The following ENTPD1 variants were observed in gnomAD, a reference collection of about 807,000 sequenced individuals.
ENTPD1 encodes the protein ectonucleoside triphosphate diphosphohydrolase 1.
In ENTPD1, 33 loss-of-function variants were observed where a neutral mutation model predicts 57.0. The observed-to-expected ratio is 0.58, with a 90% CI of 0.44 to 0.77. ENTPD1 has a LOEUF of 0.77. Ranked by LOEUF, ENTPD1 falls within the 30% of genes least tolerant of loss-of-function variation. The pLI is 0.00. For synonymous variants in ENTPD1, 202 were observed against 218.8 expected, an observed-to-expected ratio of 0.92 and a Z score of 0.68; for missense variants, 501 against 603.4, an observed-to-expected ratio of 0.83 and a Z score of 1.78.
At chr10:95,822,056 G>A (rs1326411285) in intron 1 of ENTPD1, among the ~76,000 whole-genome samples, 1 of 130,752 alleles carries the variant, frequency 7.6e-6, no homozygotes, top group Non-Finnish European at 1.5e-5. Context: ...CTAGAGCACA[G>A]TGGTGCAATC....
intron 1 of ENTPD1, among the ~76,000 whole-genome samples, chr10:95,793,231 T>C (rs1003633581): frequency 4.6e-5 from 7 of 152,216 alleles, no homozygotes; most frequent in Non-Finnish European, 1.0e-4. Context: ...AGCAGGCTGA[T>C]AGTAACTGAG....
At chr10:95,836,624 G>C (rs1334587213) in intron 2 of ENTPD1, among the ~76,000 whole-genome samples, 1 of 152,172 alleles carries the variant, frequency 6.6e-6, no homozygotes, top group East Asian at 1.9e-4. Context: ...ATAAGCTACA[G>C]AGAAATGTTG....
At position 95,860,519 on chromosome 10, in the gene ENTPD1, G is replaced by T. The variant is rs775523991; in HGVS notation, c.1125G>T (p.Glu375Asp). 1 of 1,614,026 alleles carries T rather than the reference G, an allele frequency of 6.2e-7. No individual in the cohort carries two copies. Among genetic ancestry groups the T allele is most frequent in the South Asian group, 1.1e-5 (1 of 91,072 alleles). Residue 375 changes from glutamate to aspartate, a missense_variant, in exon 8 of 10, where the codon GAG (glutamate) becomes GAT (aspartate). By Grantham distance (45) the Glu-to-Asp change is conservative (BLOSUM62 2). Transcript: ENST00000371205. Reference sequence around the variant, plus strand: ...TGAAGTTTTTAAACTTGACATCAGAGAAAGTCTCTCAGGAAAAGGTGACTG... The same window carrying T: ...TGAAGTTTTTAAACTTGACATCAGATAAAGTCTCTCAGGAAAAGGTGACTG... ...FVMKFLNLTS[E>D]KVSQEKVTEM...
Position 95,866,390 on chromosome 10 carries a change from C to T in ENTPD1, c.*7C>T, listed in dbSNP as rs754891950. 2 of 1,614,074 alleles carry T rather than the reference C, an allele frequency of 1.2e-6. No homozygotes were observed. The highest frequency in any genetic ancestry group is 3.3e-5 in the Admixed American group (2 of 60,000). ...CTGGAAAGATATGGTATAGCAAAAG[C>T]AGCTGAAATATGCTGGCTGGAGTGA... On this transcript the variant is annotated 3_prime_UTR_variant, in exon 10 of 10. Transcript: ENST00000371205.
chr10:95,857,596 C>T (rs139497041), intron 7 of ENTPD1, among the ~76,000 whole-genome samples: 3 of 152,292 alleles, frequency 2.0e-5, no homozygotes, highest in Non-Finnish European at 2.9e-5. Flanking sequence ...ACAGGAAGAA[C>T]TTTTCCAGGC....
At chr10:95,783,956 G>A (rs1359678194) in intron 1 of ENTPD1, among the ~76,000 whole-genome samples, 1 of 152,140 alleles carries the variant, frequency 6.6e-6, no homozygotes, top group Non-Finnish European at 1.5e-5. Context: ...CTGGGAAGAG[G>A]TGGGGGTGAA....
chr10:95,716,105 A>G (rs975171656), intron 1 of ENTPD1, among the ~76,000 whole-genome samples: 6 of 152,166 alleles, frequency 3.9e-5, no homozygotes, highest in Admixed American at 2.6e-4. Context: ...GTCTCTAGCA[A>G]TCCTCCTGCC....
At chr10:95,805,900 C>G (rs1475866258) in intron 1 of ENTPD1, among the ~76,000 whole-genome samples, 1 of 152,216 alleles carries the variant, frequency 6.6e-6, no homozygotes, top group Non-Finnish European at 1.5e-5. Flanking sequence ...GTAACCCGAA[C>G]TTTCTCTCTG....
intron 7 of ENTPD1, among the ~76,000 whole-genome samples, chr10:95,858,869 T>C (rs945135707): frequency 2.0e-5 from 3 of 152,180 alleles, no homozygotes; most frequent in African/African-American, 7.2e-5. Flanking sequence ...ATGTGGCCAT[T>C]AGAGTGGCCC....
intron 1 of ENTPD1, among the ~76,000 whole-genome samples, chr10:95,809,709 C>G (rs865913872): frequency 6.9e-6 from 1 of 145,846 alleles, no homozygotes; most frequent in South Asian, 2.2e-4. Context: ...CCCCACCCCC[C>G]AGACGGGGTG....
chr10:95,818,062 T>G (rs2140503153), intron 1 of ENTPD1, among the ~76,000 whole-genome samples: 1 of 152,304 alleles, frequency 6.6e-6, no homozygotes, highest in East Asian at 1.9e-4. Context: ...CTGACATAAC[T>G]GAGCTTTGTA....
intron 2 of ENTPD1, among the ~76,000 whole-genome samples, chr10:95,835,949 A>G (rs1057266538): frequency 6.6e-6 from 1 of 152,072 alleles, no homozygotes; most frequent in Non-Finnish European, 1.5e-5. Context: ...TGACTTTTAT[A>G]GTTTGAGGGT....
In ENTPD1 at chr10:95,871,187, T is replaced by A; in HGVS notation, c.*4804T>A. 1 of 985,474 alleles carries A rather than the reference T, an allele frequency of 1.0e-6. No homozygotes were observed. Among genetic ancestry groups the A allele is most frequent in the Non-Finnish European group, 1.2e-6 (1 of 829,938 alleles). 61.0% of individuals were successfully genotyped at this position (985,474 alleles called of 1,614,324 possible). A position where few individuals can be genotyped will look rare whatever the true frequency, so the allele number is the denominator to read the frequency against. ...AAAGTCATATGGCCAAGGCCATGAG[T>A]GATTAATTTTAACACAGGAAAAAAG... On this transcript the variant is annotated 3_prime_UTR_variant, in exon 10 of 10. Transcript: ENST00000371205.
chr10:95,808,450 G>C (rs1190652191), intron 1 of ENTPD1, among the ~76,000 whole-genome samples: 1 of 152,190 alleles, frequency 6.6e-6, no homozygotes, highest in East Asian at 1.9e-4. Flanking sequence ...ATGAGTTAGG[G>C]TGAAGTCCCT....
intron 9 of ENTPD1, among the ~76,000 whole-genome samples, chr10:95,865,573 A>G (rs1290135435): frequency 6.6e-6 from 1 of 152,222 alleles, no homozygotes; most frequent in Non-Finnish European, 1.5e-5. Context: ...ATTGAGACAG[A>G]GGGCTGTAGC....
intron 1 of ENTPD1, among the ~76,000 whole-genome samples, chr10:95,805,578 T>A (rs879352501): frequency 6.6e-6 from 1 of 152,184 alleles, no homozygotes; most frequent in Admixed American, 6.5e-5. Flanking sequence ...GCAGTTTCTT[T>A]CTCGTATCGA....
Position 95,778,791 on chromosome 10 carries a change from T to C in ENTPD1, c.16+22536T>C, listed in dbSNP as rs117111993. 1.6e-3 allele frequency among the ~76,000 whole-genome samples: 246 copies of C among 152,348 alleles called. 1 individual carries two copies. The highest frequency in any genetic ancestry group is 2.9e-3 in the Non-Finnish European group (194 of 68,028). On this transcript the variant is annotated intron_variant, in intron 1 of 9. Transcript: ENST00000371205. ...GTTTTCTTCTTTGTTTCCTCTGTTT[T>C]TTTAACTGTGTTTTTAACTTTTCAT...
Position 95,867,044 on chromosome 10 carries a change from A to G in ENTPD1, c.*661A>G. ...TTCCTAGGTGATACCCAAATGCTAC[A>G]GAGTGGAACACTCAGACCTGAGATT... is the stretch of plus-strand genomic sequence containing the variant. On this transcript the variant is annotated 3_prime_UTR_variant, in exon 10 of 10. Transcript: ENST00000371205. 7 of 989,938 alleles carry G rather than the reference A, an allele frequency of 7.1e-6. No individual in the cohort carries two copies. The highest frequency in any genetic ancestry group is 8.4e-6 in the Non-Finnish European group (7 of 832,554). The allele number at this position is 989,938 out of a possible 1,614,324, so 61.3% of individuals were successfully genotyped here. A position where few individuals can be genotyped will look rare whatever the true frequency, so the allele number is the denominator to read the frequency against.
intron 1 of ENTPD1, among the ~76,000 whole-genome samples, chr10:95,728,202 A>G (rs1433202806): frequency 6.6e-6 from 1 of 152,250 alleles, no homozygotes; most frequent in Non-Finnish European, 1.5e-5. Flanking sequence ...AAACTTATCT[A>G]TTAATAGCCT....
Sources: allele counts gnomAD v4.1 joint callset (sites outside exome capture counted in the v4.1 genomes callset), GRCh38; gene constraint gnomAD v4.1.1; transcripts MANE v1.5; gene names NCBI Gene and HGNC (gene_info 2026-07-23, HGNC 2026-07-21).